The following LMLN variants were observed in gnomAD, a reference collection of about 807,000 sequenced individuals.
The protein encoded by LMLN is leishmanolysin-like peptidase.
Under a neutral mutation model 92.3 loss-of-function variants are expected in LMLN, and 70 were observed. That is an observed-to-expected ratio of 0.76 (90% CI 0.63 to 0.92). The LOEUF (loss-of-function observed/expected upper bound fraction) is 0.92, where lower values mean the gene tolerates loss of function less well. Among genes scored for constraint, LMLN ranks in the 40% least tolerant of loss-of-function variants. LMLN has a pLI of 0.00. For synonymous variants in LMLN, 308 were observed against 296.2 expected (o/e 1.04, Z -0.41); for missense variants, 691 against 814.6 (o/e 0.85, Z 1.85).
intron 6 of LMLN, among the ~76,000 whole-genome samples, chr3:197,982,187 TCTC>T (rs1469368269): frequency 6.6e-6 from 1 of 151,578 alleles, no homozygotes; most frequent in Non-Finnish European, 1.5e-5. Flanking sequence ...TTAACTAACT[TCTC>T]CTAGATTTGT....
intron 14 of LMLN, among the ~76,000 whole-genome samples, chr3:198,035,367 T>G (rs1361672207): frequency 7.5e-6 from 1 of 134,190 alleles, no homozygotes; most frequent in African/African-American, 2.7e-5. Context: ...TTTGGTTTTT[T>G]TTTTTTTTTT....
intron 4 of LMLN, 33 bp from the exon 5 acceptor site, chr3:197,976,564 TG>T (rs759567682): frequency 7.4e-6 from 9 of 1,212,698 alleles, no homozygotes; most frequent in Non-Finnish European, 1.1e-5. Context: ...TTCTCTTTTT[TG>T]TATTTAAACT....
intron 11 of LMLN, among the ~76,000 whole-genome samples, chr3:198,010,213 GCA>G (rs1203474520): frequency 6.6e-6 from 1 of 152,138 alleles, no homozygotes; most frequent in Non-Finnish European, 1.5e-5. Context: ...GAGTGCAGTG[GCA>G]CAGTCTTGGC....
chr3:198,016,541 T>C (rs1185679910), intron 11 of LMLN, among the ~76,000 whole-genome samples: 1 of 152,248 alleles, frequency 6.6e-6, no homozygotes, highest in Non-Finnish European at 1.5e-5. Flanking sequence ...TTTTAATAAA[T>C]TCCCAAGTGA....
At chr3:197,990,717 C>G (rs1721843218) in intron 9 of LMLN, 41 bp downstream of exon 9, 1 of 976,468 alleles carries the variant, frequency 1.0e-6, no homozygotes. Flanking sequence ...GCCATCTGTT[C>G]TTTTCCTTTA....
At chr3:198,009,608 C>G (rs1722380252) in intron 11 of LMLN, among the ~76,000 whole-genome samples, 1 of 152,080 alleles carries the variant, frequency 6.6e-6, no homozygotes, top group African/African-American at 2.4e-5. Flanking sequence ...GGAGATTTCT[C>G]TTTTGGAAGT....
At chr3:197,984,893 T>A (rs997415518) in intron 7 of LMLN, among the ~76,000 whole-genome samples, 6 of 151,186 alleles carry the variant, frequency 4.0e-5, no homozygotes, top group African/African-American at 1.2e-4. Context: ...CCCAGGCAGG[T>A]CTTGAACTCC....
intron 13 of LMLN, among the ~76,000 whole-genome samples, chr3:198,024,246 C>A (rs1334939353): frequency 7.0e-6 from 1 of 143,068 alleles, no homozygotes; most frequent in Non-Finnish European, 1.5e-5. Flanking sequence ...GACGGAGTCT[C>A]TCTCTGTCGC....
chr3:197,999,909 C>A (rs1722125308), intron 11 of LMLN, among the ~76,000 whole-genome samples: 1 of 151,954 alleles, frequency 6.6e-6, no homozygotes, highest in Non-Finnish European at 1.5e-5. Context: ...AGGGGCTGAG[C>A]CCATATGAAG....
chr3:198,014,355 A>T (rs1452156535), intron 11 of LMLN, among the ~76,000 whole-genome samples: 115 of 35,290 alleles, frequency 3.3e-3, no homozygotes, highest in Admixed American at 4.5e-3. Flanking sequence ...CTCTCCACCC[A>T]TCAGAGCCCC....
intron 7 of LMLN, 38 bp downstream of exon 7, chr3:197,984,086 G>T: frequency 7.8e-7 from 1 of 1,290,116 alleles, no homozygotes; most frequent in South Asian, 1.2e-5. Flanking sequence ...TTCATGCCTT[G>T]ATTTTCTGCT....
At chr3:197,977,062 G>T (rs1721404484) in intron 5 of LMLN, among the ~76,000 whole-genome samples, 1 of 152,118 alleles carries the variant, frequency 6.6e-6, no homozygotes, top group East Asian at 1.9e-4. Context: ...AAATATGTAT[G>T]CCTCAACCCA....
chr3:197,973,975 A>G (rs1231675320), intron 1 of LMLN, among the ~76,000 whole-genome samples: 2 of 152,226 alleles, frequency 1.3e-5, no homozygotes, highest in Non-Finnish European at 2.9e-5. Flanking sequence ...AAAAAATTCA[A>G]AATGGAAACC....
At chr3:198,030,464 A>T (rs903522071) in intron 14 of LMLN, among the ~76,000 whole-genome samples, 2 of 152,158 alleles carry the variant, frequency 1.3e-5, no homozygotes, top group Non-Finnish European at 2.9e-5. Flanking sequence ...TTTTCTTTGT[A>T]TTTAGCACTA....
At chr3:197,996,572 GCTATAATGCA>G (rs762488852) in intron 10 of LMLN, 8 of 194,890 alleles carry the variant, frequency 4.1e-5, no homozygotes, top group Non-Finnish European at 8.3e-5. Context: ...AGGTGCTTCT[GCTATAATGCA>G]ATGTATGCTT....
At chr3:197,963,920 C>T (rs1720977250) in intron 1 of LMLN, among the ~76,000 whole-genome samples, 1 of 152,108 alleles carries the variant, frequency 6.6e-6, no homozygotes, top group Non-Finnish European at 1.5e-5. Flanking sequence ...TTTGTAGTTC[C>T]CTTTATCAGA....
chr3:197,980,306 G>C lies in LMLN; in HGVS notation c.550-20G>C. On this transcript the variant is annotated intron_variant, in intron 5 of 15. Coordinates refer to ENST00000330198, the Ensembl canonical transcript of LMLN. ...AACTTTGTCTCTGTTCTGGCTTTCT[G>C]ATGTCTCCCGTGGGTGCAGCAATGC... 1 of 1,599,738 alleles carries C rather than the reference G, an allele frequency of 6.3e-7. No individual in the cohort carries two copies. The highest frequency in any genetic ancestry group is 8.5e-7 in the Non-Finnish European group (1 of 1,170,920).
At chr3:198,018,720 C>T (rs1722706915) in intron 11 of LMLN, among the ~76,000 whole-genome samples, 1 of 152,030 alleles carries the variant, frequency 6.6e-6, no homozygotes, top group Non-Finnish European at 1.5e-5. Context: ...ATTTGTTAGA[C>T]CAGTATTAAT....
chr3:197,974,454 C>A, exon 2 of LMLN: 1 of 1,565,442 alleles, frequency 6.4e-7, no homozygotes, highest in Non-Finnish European at 8.7e-7. Context: ...TCAAGACTGT[C>A]TATGATAAAA....
Sources: allele counts gnomAD v4.1 joint callset (sites outside exome capture counted in the v4.1 genomes callset), GRCh38; gene constraint gnomAD v4.1.1; transcripts MANE v1.5; gene names NCBI Gene and HGNC (gene_info 2026-07-23, HGNC 2026-07-21).